Variants in AP2A1 observed in about 807,000 individuals in gnomAD.
AP2A1 encodes AP-2 complex subunit alpha-1.
AP2A1 carries 21 observed loss-of-function variants against 107.3 expected under a neutral mutation model. The observed-to-expected ratio is 0.20, with a 90% confidence interval of 0.14 to 0.28. The LOEUF (loss-of-function observed/expected upper bound fraction) is 0.28. Ranked by LOEUF, AP2A1 falls within the 10% of genes least tolerant of loss-of-function variation. The pLI is 1.00. For synonymous variants in AP2A1, 602 were observed against 564.8 expected, an observed-to-expected ratio of 1.07 and a Z score of -0.93; for missense variants, 873 against 1,307.7, an observed-to-expected ratio of 0.67 and a Z score of 5.13.
intron 8 of AP2A1, 144 bp downstream of exon 8, chr19:49,799,096 C>T: frequency 7.8e-7 from 1 of 1,283,180 alleles, no homozygotes; most frequent in Non-Finnish European, 1.1e-6. Context: ...GAAGTGTCAC[C>T]TGTGAGGTTG....
At chr19:49,803,425 C>T (rs1251917405) in intron 18 of AP2A1, 49 bp downstream of exon 18, 1 of 1,536,180 alleles carries the variant, frequency 6.5e-7, no homozygotes, top group Non-Finnish European at 9.0e-7. Context: ...CGTCGGCCTT[C>T]CTCACCGTGG....
rs1278539749 is a variant in AP2A1, at chr19:49,788,229, G to A, written c.474-3706G>A. ...TTCCCAAAGTGCTGAGATTACAGGC[G>A]TGAGCCACCGCGCCTGACTTGTGGT... On this transcript the variant is annotated intron_variant, in intron 4 of 22. Transcript: ENST00000354293. The surrounding 1 kb of genome is among the most constrained non-coding windows in gnomAD (Gnocchi z 4.5). Among the ~76,000 whole-genome samples, 2 of 152,236 alleles carry A rather than the reference G, an allele frequency of 1.3e-5. No individual in the cohort carries two copies. The highest frequency in any genetic ancestry group is 2.4e-5 in the African/African-American group (1 of 41,468).
At chr19:49,784,132 G>A (rs2084709771) in intron 4 of AP2A1, among the ~76,000 whole-genome samples, 1 of 152,182 alleles carries the variant, frequency 6.6e-6, no homozygotes. Context: ...AGAACCAGCA[G>A]AAATAAAACA....
Position 49,767,013 on chromosome 19 carries a change from T to A in AP2A1, c.-121T>A. 2.1e-4 allele frequency: 110 copies of A among 533,556 alleles called. No homozygotes were observed. The highest frequency in any genetic ancestry group is 7.6e-4 in the Middle Eastern group (1 of 1,312). The allele number at this position is 533,556 out of a possible 1,614,324, so 33.1% of individuals were successfully genotyped here. A position where few individuals can be genotyped will look rare whatever the true frequency, so the allele number is the denominator to read the frequency against. On this transcript the variant is annotated 5_prime_UTR_variant, in exon 1 of 23. Transcript: ENST00000354293. ...CGCCCGCCCGCCCGCCAGCCAGCCC[T>A]CCCCGCGGCCGGCTCGGCTCCTTGG...
At position 49,782,566 on chromosome 19, in the gene AP2A1, C is replaced by T; in HGVS notation, c.315C>T (p.Asn105=). 1 of 1,613,910 alleles carries T rather than the reference C, an allele frequency of 6.2e-7. No homozygotes were observed. Among genetic ancestry groups the T allele is most frequent in the Non-Finnish European group, 8.5e-7 (1 of 1,179,820 alleles). The change falls in exon 4 of 23, where the codon AAC becomes AAT. Residue 105 remains asparagine, a synonymous_variant. Transcript: ENST00000354293. ...YLFISVLVNS[N]SELIRLINNA... is the part of the protein sequence containing the mutation. ...TCATTTCTGTGCTGGTGAACTCGAA[C>T]TCGGAGCTGATCCGCCTCATCAACA... is the stretch of plus-strand genomic sequence containing the variant.
chr19:49,781,064 A>G (rs906546127), intron 1 of AP2A1, among the ~76,000 whole-genome samples: 3 of 152,074 alleles, frequency 2.0e-5, no homozygotes, highest in Admixed American at 6.6e-5. Flanking sequence ...GGGGTGCTGT[A>G]GGGCATTGAG....
rs778908445 is a variant in AP2A1 at position 49,805,774 on chromosome 19, G to A, written c.2582G>A (p.Ser861Asn). ...QDFFQRWKQL[S>N]LPQQEAQKIF... ...TTCTTCCAGCGCTGGAAGCAGCTGAGCCTGTGAGGGGTGGGGAGGGGGCGG... is the reference window on the plus strand; with the variant it reads ...TTCTTCCAGCGCTGGAAGCAGCTGAACCTGTGAGGGGTGGGGAGGGGGCGG... The change falls in exon 20 of 23, where the codon AGC becomes AAC. Residue 861 changes from serine (S) to asparagine (N), a missense_variant. Transcript: ENST00000354293. 36 of 1,600,504 alleles carry A rather than the reference G, an allele frequency of 2.2e-5. No homozygotes were observed. The highest frequency in any genetic ancestry group is 3.1e-5 in the Non-Finnish European group (36 of 1,174,474).
Position 49,772,265 on chromosome 19 carries a change from T to G in AP2A1, c.67+5065T>G, listed in dbSNP as rs1386194680. Among the ~76,000 whole-genome samples, 3 of 134,062 alleles carry G rather than the reference T, an allele frequency of 2.2e-5. No individual in the cohort carries two copies. In the South Asian group the frequency reaches 7.8e-4, roughly 35 times the overall value. The allele number at this position is 134,062 out of a possible 152,430, so 87.9% of individuals were successfully genotyped here. ...CATAGAGTTTTTTTTTTTTTTTTTT[T>G]TTTTTTTTTTTTGAGATGGAGTCTT... On this transcript the variant is annotated intron_variant, in intron 1 of 22. Transcript: ENST00000354293.
At chr19:49,797,506 C>T (rs2073226925) in intron 7 of AP2A1, 1 of 152,196 alleles carries the variant, frequency 6.6e-6, no homozygotes, top group Non-Finnish European at 1.5e-5. Flanking sequence ...AGAAGGATCA[C>T]TTGAGCTCAG....
chr19:49,784,633 T>C (rs2084716560), intron 4 of AP2A1, among the ~76,000 whole-genome samples: 1 of 152,108 alleles, frequency 6.6e-6, no homozygotes, highest in Admixed American at 6.5e-5. Flanking sequence ...ATCCAGGCAC[T>C]TTGGGAGGCT....
intron 9 of AP2A1, 56 bp downstream of exon 9, chr19:49,799,551 G>A: frequency 6.2e-7 from 1 of 1,602,548 alleles, no homozygotes; most frequent in African/African-American, 1.3e-5. Flanking sequence ...AAGACCAGAG[G>A]CTCAGAGGCC....
chr19:49,777,363 C>T (rs911687760), intron 1 of AP2A1, among the ~76,000 whole-genome samples: 27 of 151,866 alleles, frequency 1.8e-4, no homozygotes, highest in African/African-American at 5.3e-4. Flanking sequence ...CAGCCGGGCG[C>T]GGTGGCTCAT....
At chr19:49,798,173 G>A (rs192475069) in intron 7 of AP2A1, among the ~76,000 whole-genome samples, 13 of 152,336 alleles carry the variant, frequency 8.5e-5, no homozygotes, top group African/African-American at 2.2e-4. Flanking sequence ...TTGAAAACAC[G>A]TCACATTCTA....
At chr19:49,800,262 C>G (rs1311515063) in intron 11 of AP2A1, 112 bp downstream of exon 11, 1 of 1,287,152 alleles carries the variant, frequency 7.8e-7, no homozygotes, top group Non-Finnish European at 1.1e-6. Context: ...TTCTCCTGCA[C>G]TGCCGTGACC....
At chr19:49,797,908 GT>G (rs1373069896) in intron 7 of AP2A1, among the ~76,000 whole-genome samples, 5 of 122,642 alleles carry the variant, frequency 4.1e-5, no homozygotes, top group African/African-American at 1.2e-4. Flanking sequence ...TAGTTGCCCT[GT>G]TTCCAAAAAA....
chr19:49,777,277 C>T (rs1179729410), intron 1 of AP2A1, among the ~76,000 whole-genome samples: 1 of 151,692 alleles, frequency 6.6e-6, no homozygotes, highest in East Asian at 1.9e-4. Context: ...GAAAAATATA[C>T]ATATATATGC....
intron 1 of AP2A1, among the ~76,000 whole-genome samples, chr19:49,772,145 C>T (rs767156784): frequency 5.9e-5 from 9 of 151,770 alleles, no homozygotes; most frequent in Non-Finnish European, 1.2e-4. Context: ...GCAACCTCCT[C>T]CTCCTGGGAT....
chr19:49,783,954 G>A (rs2084707819), intron 4 of AP2A1, among the ~76,000 whole-genome samples: 2 of 152,224 alleles, frequency 1.3e-5, no homozygotes, highest in Non-Finnish European at 2.9e-5. Flanking sequence ...AGTTTAAAGT[G>A]ATGGAAACTG....
At chr19:49,793,431 TTCTC>T (rs763388748) in intron 6 of AP2A1, among the ~76,000 whole-genome samples, 15 of 152,122 alleles carry the variant, frequency 9.9e-5, no homozygotes, top group African/African-American at 2.4e-4. Flanking sequence ...CCTCTCCCAC[TTCTC>T]TCTCTGTCTC....
Sources: allele counts gnomAD v4.1 joint callset (sites outside exome capture counted in the v4.1 genomes callset), GRCh38; gene constraint gnomAD v4.1.1; non-coding constraint Gnocchi (gnomAD v3.1); transcripts MANE v1.5; gene names NCBI Gene and HGNC (gene_info 2026-07-23, HGNC 2026-07-21).